The following MTFR1 variants were observed in gnomAD, a reference collection of about 807,000 sequenced individuals.
The protein encoded by MTFR1 is chondrocyte protein with a poly-proline region.
In MTFR1, 28 loss-of-function variants were observed where a neutral mutation model predicts 38.8. The observed-to-expected ratio is 0.72, with a 90% confidence interval of 0.53 to 0.99. The LOEUF (loss-of-function observed/expected upper bound fraction) is 0.99. MTFR1 is among the 50% of genes least tolerant of loss of function. The pLI is 0.00. For missense variants in MTFR1, 358 were observed against 395.5 expected (o/e 0.91, Z 0.81); for synonymous variants, 145 against 137.0 (o/e 1.06, Z -0.41).
At chr8:65,647,225 A>G (rs1808984570) in intron 1 of MTFR1, among the ~76,000 whole-genome samples, 1 of 152,194 alleles carries the variant, frequency 6.6e-6, no homozygotes, top group African/African-American at 2.4e-5. Context: ...GGAACTGGCA[A>G]ATTTATGGAT....
the MTFR1 span, among the ~76,000 whole-genome samples, chr8:65,777,896 T>G: frequency 6.6e-6 from 1 of 152,228 alleles, no homozygotes; most frequent in Non-Finnish European, 1.5e-5. Context: ...AATGTTACTC[T>G]GCTTGAGATT....
intron 3 of MTFR1, among the ~76,000 whole-genome samples, chr8:65,688,530 G>C (rs1298919884): frequency 9.6e-5 from 14 of 146,338 alleles, no homozygotes; most frequent in South Asian, 4.5e-4. Context: ...CTCACTGCAA[G>C]CTCCGCCTCC....
At chr8:65,667,436 C>CT (rs941452140) in intron 1 of MTFR1, among the ~76,000 whole-genome samples, 43 of 148,110 alleles carry the variant, frequency 2.9e-4, no homozygotes, top group South Asian at 6.5e-4. Context: ...TTTTTCTTTT[C>CT]TTTTTTTTGA....
intron 3 of MTFR1, among the ~76,000 whole-genome samples, chr8:65,688,344 G>C (rs1203105335): frequency 2.7e-5 from 4 of 150,564 alleles, no homozygotes; most frequent in Admixed American, 6.6e-5. Context: ...AGGTTGCAGT[G>C]AGCCGAGATC....
downstream of MTFR1, among the ~76,000 whole-genome samples, chr8:65,772,478 C>T (rs1356245069): frequency 1.3e-5 from 2 of 152,082 alleles, no homozygotes; most frequent in African/African-American, 4.8e-5. Context: ...GGGTTTGTGG[C>T]ATAAATCACA....
chr8:65,682,013 CAGA>C (rs1563446099), intron 2 of MTFR1: 1 of 155,692 alleles, frequency 6.4e-6, no homozygotes, highest in Admixed American at 6.5e-5. Flanking sequence ...AAAAATATAG[CAGA>C]AGAGATAAAA....
intron 3 of MTFR1, among the ~76,000 whole-genome samples, chr8:65,693,005 T>C (rs537576520): frequency 6.6e-6 from 1 of 151,632 alleles, no homozygotes; most frequent in Non-Finnish European, 1.5e-5. Flanking sequence ...CTTGTTCTTA[T>C]ACCCCCCGCC....
intron 3 of MTFR1, chr8:65,724,869 G>A (rs757952790): frequency 1.6e-5 from 26 of 1,610,086 alleles, no homozygotes; most frequent in Admixed American, 3.3e-5. Context: ...TCATTCTGGC[G>A]ACTGATGTCT....
Position 65,709,440 on chromosome 8 carries a change from A to AT in MTFR1, c.*398dup, listed in dbSNP as rs749950956. The AT allele has an allele frequency of 8.2e-5, 13 of 159,388 alleles. No individual in the cohort carries two copies. In the East Asian group the frequency reaches 2.3e-3, roughly 28 times the overall value. 9.9% of individuals were successfully genotyped at this position (159,388 alleles called of 1,614,324 possible). Reference sequence around the variant, plus strand: ...TTTGGACATAAACAGTTTATGTAAAATTAGTAATGAATGATGGCAACGAGG... The same window carrying AT: ...TTTGGACATAAACAGTTTATGTAAAATTTAGTAATGAATGATGGCAACGAGG... On this transcript the variant is annotated 3_prime_UTR_variant, in exon 8 of 8. Transcript: ENST00000262146.
intron 1 of MTFR1, among the ~76,000 whole-genome samples, chr8:65,658,054 G>C (rs1284245588): frequency 6.6e-6 from 1 of 152,092 alleles, no homozygotes; most frequent in Non-Finnish European, 1.5e-5. Context: ...AAGGAACCTA[G>C]AAAACAAAAT....
intron 3 of MTFR1, chr8:65,722,479 T>C (rs1426785780): frequency 1.3e-5 from 2 of 152,254 alleles, no homozygotes; most frequent in Non-Finnish European, 2.9e-5. Context: ...ACTTCATCTT[T>C]CTGAACTTTG....
In MTFR1 at chr8:65,704,945, A is replaced by C; in HGVS notation, c.517+16A>C. On this transcript the variant is annotated intron_variant, in intron 5 of 7. Coordinates refer to ENST00000262146, the MANE Select transcript of MTFR1 (RefSeq NM_014637.4). ...CTCACTGCAGGTCTGTAAGTCCTAC[A>C]TTTGTTAGTTTTAACTTGCAAACTA... 6.4e-7 allele frequency: 1 copy of C among 1,553,898 alleles called. No homozygotes were observed. The highest frequency in any genetic ancestry group is 8.7e-7 in the Non-Finnish European group (1 of 1,143,702).
At chr8:65,754,289 C>T (rs1808111806) in intron 3 of MTFR1, among the ~76,000 whole-genome samples, 1 of 152,128 alleles carries the variant, frequency 6.6e-6, no homozygotes. Flanking sequence ...TCCCAGCCCA[C>T]TCGCTCAAAT....
intron 3 of MTFR1, among the ~76,000 whole-genome samples, chr8:65,755,691 T>A (rs920334471): frequency 6.6e-6 from 1 of 152,276 alleles, no homozygotes; most frequent in African/African-American, 2.4e-5. Context: ...TATATTTACT[T>A]GTGTAGTAAC....
chr8:65,677,129 A>G (rs1804732533), intron 2 of MTFR1, among the ~76,000 whole-genome samples: 3 of 129,698 alleles, frequency 2.3e-5, no homozygotes, highest in Non-Finnish European at 4.6e-5. Flanking sequence ...GATGGAGTGC[A>G]GTGGCGCGAT....
chr8:65,712,611 A>AT (rs1805981387), downstream of MTFR1, among the ~76,000 whole-genome samples: 1 of 152,332 alleles, frequency 6.6e-6, no homozygotes, highest in Non-Finnish European at 1.5e-5. Context: ...AGGAACAGAC[A>AT]TGTTATAGGT....
At chr8:65,668,909 C>T (rs550200032) in intron 1 of MTFR1, among the ~76,000 whole-genome samples, 2 of 152,198 alleles carry the variant, frequency 1.3e-5, no homozygotes, top group East Asian at 1.9e-4. Context: ...CCAGTAAACT[C>T]GTCTATACCA....
At chr8:65,669,792 G>C (rs969844032) in intron 1 of MTFR1, 81 bp from the exon 2 acceptor site, 8 of 630,216 alleles carry the variant, frequency 1.3e-5, no homozygotes, top group South Asian at 2.0e-5. Context: ...AATGTTTTAG[G>C]CTTGCTCTGT....
chr8:65,755,206 A>G (rs1808168272), intron 3 of MTFR1, among the ~76,000 whole-genome samples: 1 of 151,842 alleles, frequency 6.6e-6, no homozygotes, highest in Non-Finnish European at 1.5e-5. Flanking sequence ...TCTTTAGTAG[A>G]GATGGGTTTT....
Sources: allele counts gnomAD v4.1 joint callset (sites outside exome capture counted in the v4.1 genomes callset), GRCh38; gene constraint gnomAD v4.1.1; transcripts MANE v1.5; gene names NCBI Gene and HGNC (gene_info 2026-07-23, HGNC 2026-07-21).